The following RSU1 variants were observed in gnomAD, a reference collection of about 807,000 sequenced individuals.
The protein encoded by RSU1 is rsu-1.
A neutral mutation model predicts 31.1 loss-of-function variants in RSU1; 26 were observed. That is an observed-to-expected ratio of 0.84 (90% confidence interval 0.61 to 1.16). The LOEUF is 1.16. Among genes scored for constraint, RSU1 ranks in the 50% most tolerant of loss-of-function variants. RSU1 has a pLI of 0.00. For missense variants in RSU1, 320 were observed against 339.1 expected (o/e 0.94, Z 0.44); for synonymous variants, 164 against 136.3 (o/e 1.20, Z -1.41).
intron 2 of RSU1, among the ~76,000 whole-genome samples, chr10:16,793,208 G>A (rs1363044991): frequency 6.6e-6 from 1 of 152,116 alleles, no homozygotes; most frequent in Non-Finnish European, 1.5e-5. Flanking sequence ...ACTAATTAGT[G>A]TGCAGGGTTA....
chr10:16,679,059 T>C (rs1016393718), intron 8 of RSU1, among the ~76,000 whole-genome samples: 11 of 152,160 alleles, frequency 7.2e-5, no homozygotes, highest in Admixed American at 4.6e-4. Flanking sequence ...CGAAGCACCA[T>C]AGGGAAGTCA....
Position 16,678,333 on chromosome 10 carries a change from G to T in RSU1, c.731+16690C>A, listed in dbSNP as rs533732587. ...GAAAGCCTAATGTTATCTGACAGGT[G>T]TTATAAACAGTGGAAGATTTCACAA... On this transcript the variant is annotated intron_variant, in intron 8 of 8. Transcript: ENST00000345264. 6.6e-5 allele frequency among the ~76,000 whole-genome samples: 10 copies of T among 152,330 alleles called. No homozygotes were observed. In the East Asian group the frequency reaches 1.9e-3, roughly 29 times the overall value.
At chr10:16,794,396 C>T (rs1295760934) in intron 2 of RSU1, among the ~76,000 whole-genome samples, 2 of 152,230 alleles carry the variant, frequency 1.3e-5, no homozygotes, top group African/African-American at 4.8e-5. Context: ...ATAAAACCTT[C>T]AAGGACCAGA....
chr10:16,772,579 G>C (rs1255296974), intron 3 of RSU1, among the ~76,000 whole-genome samples: 1 of 142,688 alleles, frequency 7.0e-6, no homozygotes, highest in Non-Finnish European at 1.5e-5. Context: ...GGTAAGAAAA[G>C]GAAGGGTAGG....
intron 8 of RSU1, among the ~76,000 whole-genome samples, chr10:16,637,379 G>A (rs1004280167): frequency 3.3e-5 from 5 of 152,136 alleles, no homozygotes; most frequent in Admixed American, 2.6e-4. Context: ...CGGGGAATCT[G>A]CAGTGAACTT....
chr10:16,612,122 G>A (rs561745814), intron 8 of RSU1, among the ~76,000 whole-genome samples: 51 of 152,282 alleles, frequency 3.3e-4, no homozygotes, highest in Non-Finnish European at 5.3e-4. Context: ...GCCACACTAC[G>A]CTCAGAACTG....
At chr10:16,802,210 G>T (rs1362365571) in intron 2 of RSU1, among the ~76,000 whole-genome samples, 1 of 122,710 alleles carries the variant, frequency 8.1e-6, no homozygotes, top group African/African-American at 3.7e-5. Context: ...AAAAAAGAAC[G>T]AACAAATTAC....
At chr10:16,805,804 CTG>C (rs903948059) in intron 2 of RSU1, among the ~76,000 whole-genome samples, 1 of 151,580 alleles carries the variant, frequency 6.6e-6, no homozygotes, top group Non-Finnish European at 1.5e-5. Context: ...AAATCTGAGA[CTG>C]TGAGATATTC....
At chr10:16,808,869 A>G (rs987453509) in intron 2 of RSU1, among the ~76,000 whole-genome samples, 2 of 152,178 alleles carry the variant, frequency 1.3e-5, no homozygotes, top group African/African-American at 4.8e-5. Flanking sequence ...GAGAAGAGGA[A>G]ACTGAACAGA....
chr10:16,678,590 C>A (rs1564313625), intron 8 of RSU1, among the ~76,000 whole-genome samples: 1 of 152,196 alleles, frequency 6.6e-6, no homozygotes, highest in Admixed American at 6.5e-5. Flanking sequence ...AAGCCACATT[C>A]TTTGTGGTTT....
chr10:16,667,372 G>A (rs568890936), intron 8 of RSU1, among the ~76,000 whole-genome samples: 1 of 152,204 alleles, frequency 6.6e-6, no homozygotes, highest in South Asian at 2.1e-4. Context: ...GAGTACTAGC[G>A]AGTGACATGA....
At chr10:16,714,204 G>A (rs953162300) in intron 7 of RSU1, among the ~76,000 whole-genome samples, 1 of 152,196 alleles carries the variant, frequency 6.6e-6, no homozygotes. Flanking sequence ...CTCTTCAAGA[G>A]GATGGATGAA....
chr10:16,644,813 T>A (rs570498681), intron 8 of RSU1, among the ~76,000 whole-genome samples: 69 of 152,336 alleles, frequency 4.5e-4, no homozygotes, highest in African/African-American at 1.6e-3. Context: ...AAATGTGTAT[T>A]GTGACAGGTT....
intron 8 of RSU1, among the ~76,000 whole-genome samples, chr10:16,633,775 C>G (rs906625319): frequency 3.3e-5 from 5 of 152,160 alleles, no homozygotes; most frequent in African/African-American, 1.2e-4. Flanking sequence ...AATGCTCACA[C>G]TCCTCAGAGT....
intron 8 of RSU1, among the ~76,000 whole-genome samples, chr10:16,677,902 G>C (rs1323211172): frequency 1.3e-5 from 2 of 151,862 alleles, no homozygotes; most frequent in Non-Finnish European, 2.9e-5. Flanking sequence ...GAATGCACAA[G>C]AACAGATTAA....
intron 8 of RSU1, among the ~76,000 whole-genome samples, chr10:16,625,455 C>G (rs1038446539): frequency 6.6e-6 from 1 of 152,148 alleles, no homozygotes; most frequent in South Asian, 2.1e-4. Context: ...CTGAAAGAAG[C>G]AAAGCGGTGT....
chr10:16,756,382 TG>T (rs1457618697), intron 4 of RSU1, among the ~76,000 whole-genome samples: 1 of 152,262 alleles, frequency 6.6e-6, no homozygotes, highest in African/African-American at 2.4e-5. Flanking sequence ...TTGAGCAACA[TG>T]GGTTTGAACT....
intron 8 of RSU1, among the ~76,000 whole-genome samples, chr10:16,620,669 C>T (rs895499717): frequency 5.9e-5 from 9 of 151,692 alleles, no homozygotes; most frequent in African/African-American, 2.2e-4. Context: ...CACGGTGAAA[C>T]CCCGTCTCTA....
chr10:16,593,365 T>G lies in RSU1; in HGVS notation c.*29A>C, dbSNP rs1588663709. ...ATGAAGTGTTGGAGAGAGAAGGTGC[T>G]GGAAGGCCAGCCGATGCCAATCCCT... On this transcript the variant is annotated 3_prime_UTR_variant, in exon 9 of 9. Coordinates refer to ENST00000345264, the MANE Select transcript of RSU1 (RefSeq NM_012425.4). The G allele has an allele frequency of 6.2e-7, 1 of 1,614,014 alleles. No homozygotes were observed. Among genetic ancestry groups the G allele is most frequent in the Non-Finnish European group, 8.5e-7 (1 of 1,179,954 alleles).
Sources: allele counts gnomAD v4.1 joint callset (sites outside exome capture counted in the v4.1 genomes callset), GRCh38; gene constraint gnomAD v4.1.1; transcripts MANE v1.5; gene names NCBI Gene and HGNC (gene_info 2026-07-23, HGNC 2026-07-21).